The following ZFYVE28 variants were observed in gnomAD, a reference collection of about 807,000 sequenced individuals.
ZFYVE28 encodes zinc finger FYVE-type containing 28.
In ZFYVE28, 40 loss-of-function variants were observed where a neutral mutation model predicts 82.1. That is an observed-to-expected ratio of 0.49 (90% CI 0.38 to 0.63). The LOEUF (loss-of-function observed/expected upper bound fraction) is 0.63. ZFYVE28 is among the 30% of genes least tolerant of loss of function. The pLI is 0.00. For synonymous variants in ZFYVE28, 612 were observed against 546.1 expected (o/e 1.12, Z -1.68); for missense variants, 1,321 against 1,242.1 (o/e 1.06, Z -0.96).
At chr4:2,275,344 C>T (rs1736319514) in intron 8 of ZFYVE28, among the ~76,000 whole-genome samples, 1 of 152,196 alleles carries the variant, frequency 6.6e-6, no homozygotes. Flanking sequence ...CACTGGCCCT[C>T]TCATTTTAAA....
chr4:2,305,532 A>C lies in ZFYVE28; in HGVS notation c.808T>G (p.Leu270Val). The change falls in exon 8 of 13, where the codon TTG becomes GTG. Residue 270 changes from leucine (L) to valine (V), a missense_variant. By Grantham distance (32) the Leu-to-Val change is conservative. Transcript: ENST00000290974. ...TCCTCCTCCGTCAGCGTCTGCAGCA[A>C]ATCCCTACGAATCAAGACAAAACCC... The part of the protein sequence containing the change: ...FHTLLRKIRD[L>V]LQTLTEEELH... The C allele has an allele frequency of 6.2e-7, 1 of 1,612,960 alleles. No individual in the cohort carries two copies. The highest frequency in any genetic ancestry group is 8.5e-7 in the Non-Finnish European group (1 of 1,180,012).
At chr4:2,401,906 CA>C (rs1285241811) in intron 1 of ZFYVE28, among the ~76,000 whole-genome samples, 1 of 152,214 alleles carries the variant, frequency 6.6e-6, no homozygotes, top group Non-Finnish European at 1.5e-5. Flanking sequence ...CAAACAAAAC[CA>C]GTTCACTTGG....
chr4:2,385,596 C>G (rs1183526106), intron 1 of ZFYVE28, among the ~76,000 whole-genome samples: 2 of 152,254 alleles, frequency 1.3e-5, no homozygotes, highest in African/African-American at 4.8e-5. Context: ...AGGCTTCGGA[C>G]AGCAGAGAGG....
intron 7 of ZFYVE28, among the ~76,000 whole-genome samples, chr4:2,316,851 C>T (rs1476610870): frequency 6.6e-6 from 1 of 151,884 alleles, no homozygotes; most frequent in Admixed American, 6.6e-5. Flanking sequence ...CACCACCATG[C>T]CTGGCTGATT....
At chr4:2,396,950 T>G (rs940180878) in intron 1 of ZFYVE28, among the ~76,000 whole-genome samples, 1 of 152,156 alleles carries the variant, frequency 6.6e-6, no homozygotes, top group Admixed American at 6.5e-5. Context: ...CAACGATCAC[T>G]CTGGCTGCTG....
chr4:2,275,683 C>CGTCGT (rs1736359103), intron 8 of ZFYVE28, among the ~76,000 whole-genome samples: 1 of 152,262 alleles, frequency 6.6e-6, no homozygotes. Context: ...CAGGAGCCTT[C>CGTCGT]ACCTTGCTGG....
intron 7 of ZFYVE28, among the ~76,000 whole-genome samples, chr4:2,309,858 G>A (rs1367465137): frequency 6.6e-6 from 1 of 152,038 alleles, no homozygotes; most frequent in Admixed American, 6.5e-5. Context: ...TGCTTTTCTT[G>A]TTCTGTTTTG....
Position 2,305,055 on chromosome 4 carries a change from T to C in ZFYVE28, c.1285A>G (p.Thr429Ala). The C allele has an allele frequency of 6.2e-7, 1 of 1,611,776 alleles. No individual in the cohort carries two copies. Among genetic ancestry groups the C allele is most frequent in the Admixed American group, 1.7e-5 (1 of 59,978 alleles). ...CCTTTCTCCTGGGGGTCGGCCCAGG[T>C]ACTGCCTGCCCACCCAAATGGGCCA... ...PAGPFGWAGS[T>A]WADPQEKGQG... The change falls in exon 8 of 13, where the codon ACC becomes GCC. Residue 429 changes from threonine (T) to alanine (A), a missense_variant. By Grantham distance (58) the Thr-to-Ala change is moderately conservative. Transcript: ENST00000290974.
In ZFYVE28 at chr4:2,409,323, A is replaced by T. The variant is rs192173920; in HGVS notation, c.39+8962T>A. Among the ~76,000 whole-genome samples the T allele has an allele frequency of 4.5e-5, 6 of 133,322 alleles. No individual in the cohort carries two copies. Among genetic ancestry groups the T allele is most frequent in the African/African-American group, 1.5e-4 (5 of 34,260 alleles). The allele number at this position is 133,322 out of a possible 152,430, so 87.5% of individuals were successfully genotyped here. A position where few individuals can be genotyped will look rare whatever the true frequency, so the allele number is the denominator to read the frequency against. On this transcript the variant is annotated intron_variant, in intron 1 of 12. Transcript: ENST00000290974. This position sits in a 1 kb window ranked among gnomAD's most constrained non-coding sequence, Gnocchi z 4.4. ...CCTCTCGCTGGAATCCCCGCCACCCACCAGTCCCAGCTTCCAATCTCGTCT... is the reference window on the plus strand; with the variant it reads ...CCTCTCGCTGGAATCCCCGCCACCCTCCAGTCCCAGCTTCCAATCTCGTCT...
chr4:2,386,807 AAGAC>A (rs1465811233), intron 1 of ZFYVE28, among the ~76,000 whole-genome samples: 3 of 152,252 alleles, frequency 2.0e-5, no homozygotes, highest in African/African-American at 4.8e-5. Flanking sequence ...AAAACAGACT[AAGAC>A]AGGCGCTTTC....
chr4:2,400,404 C>T (rs1314712582), intron 1 of ZFYVE28, among the ~76,000 whole-genome samples: 1 of 142,508 alleles, frequency 7.0e-6, no homozygotes, highest in Non-Finnish European at 1.5e-5. Flanking sequence ...CATTACCAGT[C>T]TCGGCCCCTA....
intron 8 of ZFYVE28, among the ~76,000 whole-genome samples, chr4:2,284,917 G>A (rs1247850643): frequency 1.3e-5 from 2 of 152,204 alleles, no homozygotes; most frequent in Non-Finnish European, 2.9e-5. Flanking sequence ...GCGCGAGTGT[G>A]CTGTTTGGGG....
intron 5 of ZFYVE28, among the ~76,000 whole-genome samples, chr4:2,337,068 T>G (rs1168580656): frequency 1.6e-5 from 2 of 128,912 alleles, no homozygotes; most frequent in Non-Finnish European, 1.6e-5. Flanking sequence ...GTGAGGAAGG[T>G]GACAAGGTTT....
chr4:2,270,917 T>G (rs1166805867), intron 12 of ZFYVE28, 61 bp from the exon 13 acceptor site: 1 of 1,562,850 alleles, frequency 6.4e-7, no homozygotes, highest in Non-Finnish European at 8.7e-7. Flanking sequence ...CCCTGGCTCC[T>G]CGCCCTCCCA....
At chr4:2,322,050 C>T (rs1020482290) in intron 6 of ZFYVE28, among the ~76,000 whole-genome samples, 1 of 152,226 alleles carries the variant, frequency 6.6e-6, no homozygotes, top group Admixed American at 6.5e-5. Flanking sequence ...CACATCCAGC[C>T]GTGTGTTAGC....
chr4:2,354,166 A>G, intron 1 of ZFYVE28, 93 bp from the exon 2 acceptor site: 2 of 1,317,702 alleles, frequency 1.5e-6, no homozygotes, highest in South Asian at 1.9e-5. Context: ...GTGTGGGCTC[A>G]GCCTGGGACC....
intron 6 of ZFYVE28, chr4:2,324,881 A>G (rs1719640008): frequency 5.5e-6 from 1 of 180,674 alleles, no homozygotes; most frequent in Non-Finnish European, 1.2e-5. Context: ...TTATGGAAGA[A>G]CTGGAGAAAT....
intron 1 of ZFYVE28, among the ~76,000 whole-genome samples, chr4:2,387,207 AGTCCACT>A (rs143560733): frequency 0.012 from 1,805 of 152,300 alleles, 34 homozygotes; most frequent in African/African-American, 0.042. Context: ...GGCTCCTGGC[AGTCCACT>A]GGGAACCCGG....
At chr4:2,381,535 TA>T (rs1357775043) in intron 1 of ZFYVE28, among the ~76,000 whole-genome samples, 1 of 152,084 alleles carries the variant, frequency 6.6e-6, no homozygotes, top group Non-Finnish European at 1.5e-5. Flanking sequence ...GCCTCCTGAG[TA>T]GCTGGGACTA....
Sources: allele counts gnomAD v4.1 joint callset (sites outside exome capture counted in the v4.1 genomes callset), GRCh38; gene constraint gnomAD v4.1.1; non-coding constraint Gnocchi (gnomAD v3.1); transcripts MANE v1.5; gene names NCBI Gene and HGNC (gene_info 2026-07-23, HGNC 2026-07-21).